The following CAMKMT variants were observed in gnomAD, a reference collection of about 807,000 sequenced individuals.
CAMKMT encodes the protein CaM KMT.
A neutral mutation model predicts 48.0 loss-of-function variants in CAMKMT; 53 were observed. The observed-to-expected ratio is 1.10, with a 90% CI of 0.89 to 1.39. The LOEUF (loss-of-function observed/expected upper bound fraction) is 1.39. Ranked by LOEUF, CAMKMT falls within the 40% of genes most tolerant of loss-of-function variation. The probability of loss-of-function intolerance (pLI) is 0.00; values close to 1 mark genes in which losing one functional copy is unlikely to be tolerated. For missense variants in CAMKMT, 428 were observed against 402.7 expected (o/e 1.06, Z -0.54); for synonymous variants, 165 against 152.3 (o/e 1.08, Z -0.61).
intron 3 of CAMKMT, among the ~76,000 whole-genome samples, chr2:44,391,672 C>T (rs1067346): frequency 6.6e-6 from 1 of 151,916 alleles, no homozygotes; most frequent in Admixed American, 6.6e-5. Context: ...CAGTTGGCTC[C>T]GTATGAAATA....
intron 2 of CAMKMT, among the ~76,000 whole-genome samples, chr2:44,388,319 C>G (rs1680976670): frequency 6.6e-6 from 1 of 152,162 alleles, no homozygotes; most frequent in African/African-American, 2.4e-5. Flanking sequence ...GAGCATTTCA[C>G]ATTTCTAAAA....
At chr2:44,703,119 G>A (rs1485443811) in intron 3 of CAMKMT, among the ~76,000 whole-genome samples, 1 of 151,884 alleles carries the variant, frequency 6.6e-6, no homozygotes, top group Non-Finnish European at 1.5e-5. Flanking sequence ...TTAATTGGGG[G>A]AAAACATAAT....
At chr2:44,690,847 G>C (rs1372508159) in intron 3 of CAMKMT, among the ~76,000 whole-genome samples, 1 of 151,960 alleles carries the variant, frequency 6.6e-6, no homozygotes, top group Non-Finnish European at 1.5e-5. Flanking sequence ...GTGGTGGTGT[G>C]TGCCTGTAAT....
chr2:44,408,889 A>T (rs936322378), intron 3 of CAMKMT, among the ~76,000 whole-genome samples: 12 of 151,604 alleles, frequency 7.9e-5, no homozygotes, highest in African/African-American at 2.4e-4. Flanking sequence ...CTACAGGTGC[A>T]CACCACCACA....
chr2:44,746,039 C>G (rs1370605228), intron 8 of CAMKMT, among the ~76,000 whole-genome samples: 1 of 152,156 alleles, frequency 6.6e-6, no homozygotes, highest in African/African-American at 2.4e-5. Context: ...GACACTACCT[C>G]CAAGACGAAA....
chr2:44,544,624 G>T (rs1049187177), intron 3 of CAMKMT, among the ~76,000 whole-genome samples: 4 of 152,168 alleles, frequency 2.6e-5, no homozygotes, highest in African/African-American at 9.7e-5. Flanking sequence ...ATTATCCAGT[G>T]CTAACATGTC....
chr2:44,411,782 C>T (rs978549122), intron 3 of CAMKMT, among the ~76,000 whole-genome samples: 1 of 151,672 alleles, frequency 6.6e-6, no homozygotes, highest in African/African-American at 2.4e-5. Context: ...CACCAGTTGC[C>T]TTAGTTTTTT....
At chr2:44,503,182 T>G (rs761185967) in intron 3 of CAMKMT, among the ~76,000 whole-genome samples, 1 of 152,194 alleles carries the variant, frequency 6.6e-6, no homozygotes, top group South Asian at 2.1e-4. Context: ...AATAACCAAT[T>G]TTTTTTTCCA....
At chr2:44,571,902 AT>A (rs1234183638) in intron 3 of CAMKMT, among the ~76,000 whole-genome samples, 1 of 152,248 alleles carries the variant, frequency 6.6e-6, no homozygotes, top group Non-Finnish European at 1.5e-5. Flanking sequence ...AACATATGAA[AT>A]AACAAATTCG....
intron 3 of CAMKMT, among the ~76,000 whole-genome samples, chr2:44,554,114 C>G (rs1205585203): frequency 1.3e-5 from 2 of 152,166 alleles, no homozygotes; most frequent in Non-Finnish European, 2.9e-5. Flanking sequence ...TTCATTCATT[C>G]AGTAGACATT....
intron 3 of CAMKMT, among the ~76,000 whole-genome samples, chr2:44,534,013 C>T (rs1010396069): frequency 1.3e-5 from 2 of 152,054 alleles, no homozygotes; most frequent in African/African-American, 4.8e-5. Context: ...CATGTATAGA[C>T]TGTAAGTAAA....
intron 1 of CAMKMT, 30 bp downstream of exon 1, chr2:44,362,175 G>A (rs774349221): frequency 6.9e-5 from 99 of 1,441,528 alleles, no homozygotes; most frequent in Non-Finnish European, 8.8e-5. Context: ...CCTCACCTTT[G>A]CCTCTGGTCA....
chr2:44,421,162 G>T (rs1683912122), intron 3 of CAMKMT, among the ~76,000 whole-genome samples: 1 of 152,088 alleles, frequency 6.6e-6, no homozygotes. Context: ...ATCATTAAGA[G>T]ACTTGACTAA....
chr2:44,558,618 C>G (rs1668151888), intron 3 of CAMKMT, among the ~76,000 whole-genome samples: 1 of 152,070 alleles, frequency 6.6e-6, no homozygotes, highest in South Asian at 2.1e-4. Flanking sequence ...AGAAGGAAAT[C>G]ATGTCCTTTA....
At chr2:44,691,125 C>T (rs1271714166) in intron 3 of CAMKMT, among the ~76,000 whole-genome samples, 2 of 152,200 alleles carry the variant, frequency 1.3e-5, no homozygotes, top group Non-Finnish European at 2.9e-5. Context: ...AGTTAAATGA[C>T]TTGCTGAGGT....
At chr2:44,390,026 T>C (rs907508473) in intron 2 of CAMKMT, among the ~76,000 whole-genome samples, 2 of 152,222 alleles carry the variant, frequency 1.3e-5, no homozygotes, top group African/African-American at 2.4e-5. Context: ...TGTAGATTAA[T>C]CATTTAAAAA....
intron 3 of CAMKMT, among the ~76,000 whole-genome samples, chr2:44,682,190 T>C (rs966918538): frequency 6.6e-6 from 1 of 152,248 alleles, no homozygotes; most frequent in Non-Finnish European, 1.5e-5. Flanking sequence ...ACAAATACAC[T>C]GAACTTTTTC....
intron 2 of CAMKMT, among the ~76,000 whole-genome samples, chr2:44,385,490 G>C (rs539494696): frequency 6.6e-6 from 1 of 152,168 alleles, no homozygotes; most frequent in South Asian, 2.1e-4. Flanking sequence ...GATTGCTCTG[G>C]CTAGGACTTC....
intron 3 of CAMKMT, among the ~76,000 whole-genome samples, chr2:44,442,375 C>T (rs1303765790): frequency 1.3e-5 from 2 of 152,108 alleles, no homozygotes; most frequent in Admixed American, 6.6e-5. Flanking sequence ...TCTCTCTATA[C>T]ATACATGTTC....
Sources: gnomAD v4.1 joint callset for allele counts (sites outside exome capture counted in the v4.1 genomes callset) on GRCh38, gnomAD v4.1.1 for gene constraint, MANE v1.5 for transcripts, NCBI Gene and HGNC (gene_info 2026-07-23, HGNC 2026-07-21) for gene names.